Variants in GRIK2 observed in about 807,000 individuals in gnomAD.
GRIK2 encodes the protein glutamate receptor ionotropic, kainate 2.
A neutral mutation model predicts 100.3 loss-of-function variants in GRIK2; 32 were observed. The observed-to-expected ratio is 0.32, with a 90% CI of 0.24 to 0.43. GRIK2 has a LOEUF of 0.43. Ranked by LOEUF, GRIK2 falls within the 20% of genes least tolerant of loss-of-function variation. The probability of loss-of-function intolerance (pLI) is 1.00; values close to 1 mark genes in which losing one functional copy is unlikely to be tolerated. For synonymous variants in GRIK2, 417 were observed against 389.4 expected, an observed-to-expected ratio of 1.07 and a Z score of -0.83; for missense variants, 843 against 1,114.9, an observed-to-expected ratio of 0.76 and a Z score of 3.47.
chr6:101,929,740 G>A (rs1048955322), intron 14 of GRIK2, among the ~76,000 whole-genome samples: 6 of 151,808 alleles, frequency 4.0e-5, no homozygotes, highest in African/African-American at 9.7e-5. Flanking sequence ...AATTTCTGGA[G>A]GACATCCAAT....
chr6:101,817,322 G>T (rs963148809), intron 9 of GRIK2, among the ~76,000 whole-genome samples: 5 of 152,116 alleles, frequency 3.3e-5, no homozygotes, highest in Non-Finnish European at 7.4e-5. Flanking sequence ...AATAATACCT[G>T]CTAAATCAAT....
At chr6:101,891,068 T>C (rs1787031087) in intron 12 of GRIK2, among the ~76,000 whole-genome samples, 1 of 151,620 alleles carries the variant, frequency 6.6e-6, no homozygotes, top group Non-Finnish European at 1.5e-5. Context: ...CATGGATTCT[T>C]TTGATAAATT....
chr6:101,952,816 A>C (rs1040838840), intron 14 of GRIK2, among the ~76,000 whole-genome samples: 1 of 152,062 alleles, frequency 6.6e-6, no homozygotes, highest in Non-Finnish European at 1.5e-5. Flanking sequence ...GTTAGCCAGG[A>C]TGGTCTGGAT....
intron 2 of GRIK2, among the ~76,000 whole-genome samples, chr6:101,614,665 T>G (rs546215029): frequency 6.6e-6 from 1 of 151,854 alleles, no homozygotes; most frequent in African/African-American, 2.4e-5. Flanking sequence ...CAGAGGAACC[T>G]TTTGCAATTG....
At chr6:101,515,132 G>A (rs1040924657) in intron 2 of GRIK2, among the ~76,000 whole-genome samples, 1 of 152,050 alleles carries the variant, frequency 6.6e-6, no homozygotes, top group African/African-American at 2.4e-5. Context: ...CCACATATTA[G>A]TGAGAACATA....
chr6:101,898,257 G>A (rs1238448887), intron 12 of GRIK2, among the ~76,000 whole-genome samples: 1 of 151,702 alleles, frequency 6.6e-6, no homozygotes, highest in Non-Finnish European at 1.5e-5. Flanking sequence ...GAAGAAGAAT[G>A]TGACACTAAA....
chr6:101,751,061 C>T (rs1322638617), intron 7 of GRIK2, among the ~76,000 whole-genome samples: 2 of 151,984 alleles, frequency 1.3e-5, no homozygotes, highest in Non-Finnish European at 2.9e-5. Flanking sequence ...TGTAAGGTCA[C>T]CTCTATTTTC....
At chr6:101,736,985 T>C (rs1483229340) in intron 7 of GRIK2, among the ~76,000 whole-genome samples, 7 of 152,308 alleles carry the variant, frequency 4.6e-5, no homozygotes, top group Non-Finnish European at 8.8e-5. Flanking sequence ...AAGTTCAAAG[T>C]TCCACATATC....
At chr6:101,679,841 G>A (rs1562305327) in intron 5 of GRIK2, among the ~76,000 whole-genome samples, 1 of 152,142 alleles carries the variant, frequency 6.6e-6, no homozygotes, top group Non-Finnish European at 1.5e-5. Context: ...CTGGGTTCAA[G>A]CAATTCTCTG....
intron 4 of GRIK2, among the ~76,000 whole-genome samples, chr6:101,630,561 A>G (rs1780681777): frequency 6.6e-6 from 1 of 151,550 alleles, no homozygotes; most frequent in Non-Finnish European, 1.5e-5. Flanking sequence ...TAATGGGGTT[A>G]TTTGTTTTTT....
At chr6:101,553,170 A>G (rs943162594) in intron 2 of GRIK2, among the ~76,000 whole-genome samples, 11 of 152,214 alleles carry the variant, frequency 7.2e-5, no homozygotes, top group Non-Finnish European at 1.5e-5. Flanking sequence ...AAACACTACA[A>G]TAGATTTATA....
intron 10 of GRIK2, among the ~76,000 whole-genome samples, chr6:101,821,952 C>T (rs570068511): frequency 6.6e-6 from 1 of 152,072 alleles, no homozygotes; most frequent in South Asian, 2.1e-4. Flanking sequence ...GCTTCTTGTT[C>T]AACATTTTTA....
intron 14 of GRIK2, among the ~76,000 whole-genome samples, chr6:101,943,522 G>T (rs181263181): frequency 5.5e-4 from 83 of 152,286 alleles, no homozygotes; most frequent in Non-Finnish European, 9.9e-4. Flanking sequence ...AGCTGCAGAG[G>T]CTGTACCCTA....
chr6:101,866,271 G>A (rs1432276631), intron 11 of GRIK2, among the ~76,000 whole-genome samples: 1 of 152,054 alleles, frequency 6.6e-6, no homozygotes, highest in Non-Finnish European at 1.5e-5. Context: ...CCATGTAACA[G>A]GATTATATCA....
chr6:101,498,297 T>C (rs1417854814), intron 2 of GRIK2, among the ~76,000 whole-genome samples: 1 of 152,000 alleles, frequency 6.6e-6, no homozygotes, highest in African/African-American at 2.4e-5. Context: ...TTCCAAGTCT[T>C]TGCTCTTGTG....
chr6:101,835,667 A>T (rs1322471629), intron 10 of GRIK2, among the ~76,000 whole-genome samples: 1 of 148,150 alleles, frequency 6.7e-6, no homozygotes, highest in Admixed American at 6.8e-5. Context: ...ATGGGGTTTC[A>T]CCATGTTTGC....
chr6:101,811,827 C>T (rs1378109579), intron 9 of GRIK2, among the ~76,000 whole-genome samples: 2 of 151,240 alleles, frequency 1.3e-5, no homozygotes. Flanking sequence ...AGAAAACTGT[C>T]ACCAAAAATA....
chr6:101,981,424 TATC>T (rs1271543267), intron 14 of GRIK2, among the ~76,000 whole-genome samples: 1 of 151,910 alleles, frequency 6.6e-6, no homozygotes, highest in Non-Finnish European at 1.5e-5. Context: ...GCATTGATTG[TATC>T]ATCTTCATCA....
intron 4 of GRIK2, among the ~76,000 whole-genome samples, chr6:101,632,027 T>G (rs1233425200): frequency 6.6e-6 from 1 of 152,110 alleles, no homozygotes; most frequent in Non-Finnish European, 1.5e-5. Context: ...TTTTAGTTGT[T>G]GAAAATAATC....
Sources: allele counts gnomAD v4.1 joint callset (sites outside exome capture counted in the v4.1 genomes callset), GRCh38; gene constraint gnomAD v4.1.1; transcripts MANE v1.5; gene names NCBI Gene and HGNC (gene_info 2026-07-23, HGNC 2026-07-21).